The following SLC35A1 variants were observed in gnomAD, a reference collection of about 807,000 sequenced individuals.
SLC35A1 encodes CMP-sialic acid transporter.
In SLC35A1, 21 loss-of-function variants were observed where a neutral mutation model predicts 40.3. The observed-to-expected ratio is 0.52, with a 90% confidence interval of 0.37 to 0.75. The LOEUF (loss-of-function observed/expected upper bound fraction) is 0.75, where lower values mean the gene tolerates loss of function less well. SLC35A1 is among the 30% of genes least tolerant of loss of function. SLC35A1 has a pLI of 0.00. For synonymous variants in SLC35A1, 146 were observed against 147.3 expected (o/e 0.99, Z 0.06); for missense variants, 297 against 382.1 (o/e 0.78, Z 1.86).
At chr6:87,497,485 T>G (rs1443617714) in intron 2 of SLC35A1, among the ~76,000 whole-genome samples, 1 of 152,202 alleles carries the variant, frequency 6.6e-6, no homozygotes, top group Non-Finnish European at 1.5e-5. Flanking sequence ...ATACTCAGAT[T>G]GGCTGCTAAT....
At chr6:87,482,271 C>T (rs1203653685) in intron 2 of SLC35A1, among the ~76,000 whole-genome samples, 1 of 126,296 alleles carries the variant, frequency 7.9e-6, no homozygotes, top group Non-Finnish European at 1.6e-5. Context: ...AAGATGATAA[C>T]CATTCTTTTC....
At chr6:87,498,480 ATT>A (rs1769809986) in intron 2 of SLC35A1, among the ~76,000 whole-genome samples, 1 of 152,102 alleles carries the variant, frequency 6.6e-6, no homozygotes. Flanking sequence ...TTTATACTCT[ATT>A]TAAGATGTTG....
chr6:87,481,277 C>A (rs780646422), intron 2 of SLC35A1, among the ~76,000 whole-genome samples: 4 of 152,034 alleles, frequency 2.6e-5, no homozygotes, highest in Non-Finnish European at 5.9e-5. Flanking sequence ...ATTAGCCAGG[C>A]TTGGTGGCAC....
chr6:87,483,199 G>T (rs1433154680), intron 2 of SLC35A1, among the ~76,000 whole-genome samples: 1 of 151,300 alleles, frequency 6.6e-6, no homozygotes, highest in African/African-American at 2.4e-5. Flanking sequence ...CTGACTCTCT[G>T]TCTCTTTCTC....
At position 87,477,699 on chromosome 6, in the gene SLC35A1, C is replaced by T. The variant is rs116313147; in HGVS notation, c.194+160C>T. 3.2e-3 allele frequency among the ~76,000 whole-genome samples: 489 copies of T among 152,300 alleles called. 4 individuals carry two copies. Among genetic ancestry groups the T allele is most frequent in the African/African-American group, 0.011 (467 of 41,544 alleles). ...CCAGAAGATTTTTTAGTTGTCACAA[C>T]TTGAGAGATGCTACTGGCATCTAGT... On this transcript the variant is annotated intron_variant, in intron 2 of 7. Coordinates refer to ENST00000369552, the MANE Select transcript of SLC35A1 (RefSeq NM_006416.5).
intron 2 of SLC35A1, chr6:87,496,006 G>GAT (rs1461312725): frequency 6.6e-6 from 1 of 152,178 alleles, no homozygotes; most frequent in African/African-American, 2.4e-5. Flanking sequence ...TAGATGATAA[G>GAT]AAATTTATAA....
intron 2 of SLC35A1, among the ~76,000 whole-genome samples, chr6:87,489,882 G>A (rs1226954470): frequency 3.3e-5 from 5 of 149,360 alleles, no homozygotes; most frequent in Admixed American, 2.0e-4. Flanking sequence ...TCACAGCAAC[G>A]CAAAGCAGAC....
chr6:87,499,014 AAC>A, intron 2 of SLC35A1: 3 of 403,844 alleles, frequency 7.4e-6, no homozygotes, highest in Non-Finnish European at 1.0e-5. Flanking sequence ...ATATAGACTT[AAC>A]ACTGTGGTGT....
intron 5 of SLC35A1, 27 bp downstream of exon 5, chr6:87,506,475 CTTT>C (rs754078578): frequency 6.3e-7 from 1 of 1,598,562 alleles, no homozygotes; most frequent in South Asian, 1.1e-5. Flanking sequence ...TTGTTTTATT[CTTT>C]TGTCATATTT....
chr6:87,506,971 A>G (rs1770100487), intron 5 of SLC35A1: 1 of 157,054 alleles, frequency 6.4e-6, no homozygotes, highest in South Asian at 1.9e-4. Flanking sequence ...GGGAGGAAAG[A>G]CAACACAAAA....
chr6:87,506,030 G>A (rs1275154804), intron 4 of SLC35A1, among the ~76,000 whole-genome samples: 1 of 152,060 alleles, frequency 6.6e-6, no homozygotes, highest in African/African-American at 2.4e-5. Context: ...GATGCTATAA[G>A]CTCTTAAATT....
At position 87,511,522 on chromosome 6, in the gene SLC35A1, T is replaced by G. The variant is rs1238848898; in HGVS notation, c.1010T>G (p.Val337Gly). The G allele has an allele frequency of 6.2e-7, 1 of 1,614,066 alleles. No individual in the cohort carries two copies. Among genetic ancestry groups the G allele is most frequent in the East Asian group, 2.2e-5 (1 of 44,856 alleles). Reference sequence around the variant, plus strand: ...GCTTCAAAGGAGAGAGTTATTGGTGTGTGATTTTAGCCTCACGTGAGACTC... The same window carrying G: ...GCTTCAAAGGAGAGAGTTATTGGTGGGTGATTTTAGCCTCACGTGAGACTC... Reference protein sequence around the residue: ...ETASKERVIGV With the variant: ...ETASKERVIGG Residue 337 changes from valine (V) to glycine (G), a missense_variant, in exon 8 of 8, where the codon GTG becomes GGG. By Grantham distance (109) the Val-to-Gly change is moderately radical. Coordinates refer to ENST00000369552, the MANE Select transcript of SLC35A1 (RefSeq NM_006416.5).
intron 2 of SLC35A1, among the ~76,000 whole-genome samples, chr6:87,488,874 C>CT (rs1304833922): frequency 1.3e-4 from 20 of 152,346 alleles, no homozygotes; most frequent in African/African-American, 4.3e-4. Flanking sequence ...ATGCCAGTCT[C>CT]TTTTTCAGAA....
At chr6:87,510,857 G>A (rs1770241338) in intron 7 of SLC35A1, among the ~76,000 whole-genome samples, 1 of 150,516 alleles carries the variant, frequency 6.6e-6, no homozygotes, top group African/African-American at 2.5e-5. Context: ...GGCAACAAAA[G>A]CGAAACTCCG....
intron 5 of SLC35A1, 70 bp from the exon 6 acceptor site, chr6:87,508,350 T>C: frequency 1.9e-6 from 2 of 1,039,874 alleles, no homozygotes; most frequent in South Asian, 2.7e-5. Flanking sequence ...TAGGGTATTG[T>C]TCTAAATGAA....
intron 7 of SLC35A1, 151 bp from the exon 8 acceptor site, chr6:87,511,248 C>T: frequency 2.6e-6 from 2 of 778,076 alleles, no homozygotes; most frequent in Non-Finnish European, 4.2e-6. Context: ...TTTTTTTTGG[C>T]TGTAATGGAA....
chr6:87,475,383 G>C (rs1769038714), intron 1 of SLC35A1, among the ~76,000 whole-genome samples: 1 of 152,154 alleles, frequency 6.6e-6, no homozygotes, highest in Admixed American at 6.5e-5. Context: ...ACTGATTAAA[G>C]GTTATTGCTG....
rs1199308173 is a variant in SLC35A1 at position 87,484,701 on chromosome 6, CAGGTAATCGGAATGAGTCAGGGTGGAGT to C, written c.194+7171_194+7198del. On this transcript the variant is annotated intron_variant, in intron 2 of 7. Coordinates refer to ENST00000369552, the MANE Select transcript of SLC35A1 (RefSeq NM_006416.5). ...GCAGGTAATTGGAATTAGGGTGGAG[CAGGTAATCGGAATGAGTCAGGGTGGAGT>C]AGGTAATCAGAATGAGTCAGAGTGG... Among the ~76,000 whole-genome samples, 344 of 144,114 alleles carry C rather than the reference CAGGTAATCGGAATGAGTCAGGGTGGAGT, an allele frequency of 2.4e-3. 1 individual carries two copies. Among genetic ancestry groups the C allele is most frequent in the Non-Finnish European group, 4.0e-3 (260 of 65,372 alleles). The allele number at this position is 144,114 out of a possible 152,430, so 94.5% of individuals were successfully genotyped here. A position where few individuals can be genotyped will look rare whatever the true frequency, so the allele number is the denominator to read the frequency against.
chr6:87,485,480 C>T (rs2127966607), intron 2 of SLC35A1, among the ~76,000 whole-genome samples: 1 of 152,166 alleles, frequency 6.6e-6, no homozygotes, highest in South Asian at 2.1e-4. Context: ...GAACTTAGAT[C>T]TTGGCCAGGT....
Sources: gnomAD v4.1 joint callset for allele counts (sites outside exome capture counted in the v4.1 genomes callset) on GRCh38, gnomAD v4.1.1 for gene constraint, MANE v1.5 for transcripts, NCBI Gene and HGNC (gene_info 2026-07-23, HGNC 2026-07-21) for gene names.